Variants in TOMM20 observed in about 807,000 individuals in gnomAD.
TOMM20 encodes the protein mitochondrial import receptor subunit TOM20 homolog.
TOMM20 carries 10 observed loss-of-function variants against 22.1 expected under a neutral mutation model. The observed-to-expected ratio is 0.45, with a 90% CI of 0.28 to 0.77. TOMM20 has a LOEUF of 0.77. Ranked by LOEUF, TOMM20 falls within the 30% of genes least tolerant of loss-of-function variation. The pLI is 0.13. For synonymous variants in TOMM20, 55 were observed against 61.4 expected, an observed-to-expected ratio of 0.90 and a Z score of 0.49; for missense variants, 121 against 172.2, an observed-to-expected ratio of 0.70 and a Z score of 1.66.
intron 3 of TOMM20, among the ~76,000 whole-genome samples, chr1:235,119,103 C>T (rs547001557): frequency 6.6e-6 from 1 of 152,244 alleles, no homozygotes; most frequent in East Asian, 1.9e-4. Context: ...TATTTGATAG[C>T]AGTTTTAATA....
chr1:235,119,896 G>C lies in TOMM20; in HGVS notation c.172C>G (p.Pro58Ala), dbSNP rs1277231008. 1.2e-6 allele frequency: 2 copies of C among 1,606,642 alleles called. No homozygotes were observed. Among genetic ancestry groups the C allele is most frequent in the East Asian group, 2.2e-5 (1 of 44,736 alleles). The change falls in exon 3 of 5, where the codon CCT (proline) becomes GCT (alanine). Residue 58 changes from proline (P) to alanine (A), a missense_variant. Coordinates refer to ENST00000366607, the MANE Select transcript of TOMM20 (RefSeq NM_014765.3). ...AKERAGLSKL[P>A]DLKDAEAVQK... The stretch of plus-strand genomic sequence containing the variant: ...ACAGCTTCAGCATCTTTAAGGTCAG[G>C]TAACTGGAAATAAAATATTTAATAA...
intron 3 of TOMM20, among the ~76,000 whole-genome samples, chr1:235,115,772 C>T (rs1284289423): frequency 2.0e-5 from 3 of 152,218 alleles, no homozygotes; most frequent in African/African-American, 7.2e-5. Flanking sequence ...CAGTAAACAA[C>T]CTCAGAATAT....
At chr1:235,126,262 A>G (rs557123307) in intron 1 of TOMM20, among the ~76,000 whole-genome samples, 1 of 151,782 alleles carries the variant, frequency 6.6e-6, no homozygotes, top group East Asian at 2.0e-4. Flanking sequence ...CCTCCCAAGC[A>G]GCTGGGACTA....
intron 1 of TOMM20, among the ~76,000 whole-genome samples, chr1:235,128,157 G>A (rs1043172713): frequency 6.6e-6 from 1 of 152,200 alleles, no homozygotes. Context: ...CTGGGCGACA[G>A]AGCGAGATTC....
chr1:235,113,070 CACTGTTTTAATCACA>C (rs2102807149), intron 4 of TOMM20, among the ~76,000 whole-genome samples: 1 of 152,284 alleles, frequency 6.6e-6, no homozygotes, highest in African/African-American at 2.4e-5. Flanking sequence ...TATCATCATT[CACTGTTTTAATCACA>C]CCAACTTGGG....
Position 235,128,808 on chromosome 1 carries a change from C to A in TOMM20, c.-93G>T. 1.3e-6 allele frequency: 2 copies of A among 1,566,696 alleles called. No homozygotes were observed. The highest frequency in any genetic ancestry group is 1.4e-5 in the African/African-American group (1 of 73,502). Reference sequence around the variant, plus strand: ...TCAGAGCGGTCGGCGCAGCTCACACCCGACGGCCGCGGGCCAGGAACACAG... The same window carrying A: ...TCAGAGCGGTCGGCGCAGCTCACACACGACGGCCGCGGGCCAGGAACACAG... On this transcript the variant is annotated 5_prime_UTR_variant, in exon 1 of 5. Coordinates refer to ENST00000366607, the MANE Select transcript of TOMM20 (RefSeq NM_014765.3).
chr1:235,116,978 A>T (rs570051821), intron 3 of TOMM20, among the ~76,000 whole-genome samples: 15 of 151,142 alleles, frequency 9.9e-5, no homozygotes, highest in East Asian at 7.9e-4. Context: ...TACTAAAAAT[A>T]CAAAAAACTA....
chr1:235,124,352 A>G (rs547598980), intron 1 of TOMM20, among the ~76,000 whole-genome samples: 2 of 152,326 alleles, frequency 1.3e-5, no homozygotes, highest in South Asian at 2.1e-4. Context: ...GTCTCAAACA[A>G]AAACAAAAAA....
chr1:235,123,267 A>G (rs1450109485), intron 1 of TOMM20, among the ~76,000 whole-genome samples: 1 of 152,180 alleles, frequency 6.6e-6, no homozygotes, highest in African/African-American at 2.4e-5. Context: ...CAGGCAGATC[A>G]CAAGGTCAGG....
chr1:235,115,352 G>A (rs943702447), intron 3 of TOMM20, among the ~76,000 whole-genome samples: 8 of 152,066 alleles, frequency 5.3e-5, no homozygotes, highest in African/African-American at 9.6e-5. Flanking sequence ...TAATACGGCC[G>A]GGAGCAGTGG....
At chr1:235,125,322 C>G (rs1002261915) in intron 1 of TOMM20, among the ~76,000 whole-genome samples, 2 of 152,164 alleles carry the variant, frequency 1.3e-5, no homozygotes, top group Non-Finnish European at 2.9e-5. Flanking sequence ...TCACGCCATT[C>G]TCCTGCCTCA....
In TOMM20 at chr1:235,124,164, C is replaced by T. The variant is rs535254937; in HGVS notation, c.122-1792G>A. Among the ~76,000 whole-genome samples, 31 of 152,260 alleles carry T rather than the reference C, an allele frequency of 2.0e-4. No individual in the cohort carries two copies. In the South Asian group the frequency reaches 2.5e-3, roughly 12 times the overall value. On this transcript the variant is annotated intron_variant, in intron 1 of 4. Coordinates refer to ENST00000366607, the MANE Select transcript of TOMM20 (RefSeq NM_014765.3). Reference sequence around the variant, plus strand: ...GAGTTCAAGACCAGCCTGGTTGATACGGTGAAACCCCGTCTTTACTAAAAT... The same window carrying T: ...GAGTTCAAGACCAGCCTGGTTGATATGGTGAAACCCCGTCTTTACTAAAAT...
rs764813387 is a variant in TOMM20, at chr1:235,113,925, T to G, written c.251-15A>C. The G allele has an allele frequency of 2.6e-6, 4 of 1,554,664 alleles. No individual in the cohort carries two copies. Among genetic ancestry groups the G allele is most frequent in the Middle Eastern group, 1.7e-4 (1 of 5,864 alleles). ...CTCATATTCACCTGTAAGATTTACA[T>G]AAAATTACATGTAACCTGAAAAGCC... On this transcript the variant is annotated splice_polypyrimidine_tract_variant and intron_variant, in intron 3 of 4. Coordinates refer to ENST00000366607, the MANE Select transcript of TOMM20 (RefSeq NM_014765.3).
At chr1:235,116,820 T>C (rs2102809028) in intron 3 of TOMM20, among the ~76,000 whole-genome samples, 1 of 152,154 alleles carries the variant, frequency 6.6e-6, no homozygotes, top group Middle Eastern at 3.4e-3. Flanking sequence ...ACGATATAAA[T>C]TCACAGGAAA....
rs1431720394 is a variant in TOMM20 at position 235,110,961 on chromosome 1, T to A, written c.*1103A>T. The A allele has an allele frequency of 2.0e-5, 3 of 152,182 alleles. No homozygotes were observed. Among genetic ancestry groups the A allele is most frequent in the Non-Finnish European group, 4.4e-5 (3 of 68,028 alleles). 9.4% of individuals were successfully genotyped at this position (152,182 alleles called of 1,614,324 possible). ...AGTTTTCAGTCACAAGGTTGCAACT[T>A]ACTCTCATCGTTTCACAAGATAATC... is the stretch of plus-strand genomic sequence containing the variant. On this transcript the variant is annotated 3_prime_UTR_variant, in exon 5 of 5. Transcript: ENST00000366607.
chr1:235,113,616 G>A, intron 4 of TOMM20, 152 bp downstream of exon 4: 3 of 1,000,704 alleles, frequency 3.0e-6, no homozygotes, highest in Non-Finnish European at 4.2e-6. Context: ...TCCCACCAGA[G>A]AGGAAAATGT....
rs1376175858 is a variant in TOMM20, at chr1:235,128,681, A to G, written c.35T>C (p.Val12Ala). The change falls in exon 1 of 5, where the codon GTA (valine) becomes GCA (alanine). Residue 12 changes from valine (V) to alanine (A), a missense_variant. By Grantham distance (64) the Val-to-Ala change is moderately conservative. Coordinates refer to ENST00000366607, the MANE Select transcript of TOMM20 (RefSeq NM_014765.3). ...VGRNSAIAAG[V>A]CGALFIGYCI... ...GTACCCAATGAAAAGGGCCCCGCAT[A>G]CACCGGCGGCGATGGCGCTGTTCCG... 4 of 1,613,994 alleles carry G rather than the reference A, an allele frequency of 2.5e-6. No individual in the cohort carries two copies. The highest frequency in any genetic ancestry group is 3.4e-6 in the Non-Finnish European group (4 of 1,179,958).
chr1:235,118,634 C>T (rs767794479), intron 3 of TOMM20, among the ~76,000 whole-genome samples: 30 of 152,194 alleles, frequency 2.0e-4, no homozygotes, highest in Non-Finnish European at 4.1e-4. Flanking sequence ...TCAAGGTATC[C>T]TCCTACTTCA....
chr1:235,114,817 T>C (rs1275611222), intron 3 of TOMM20, among the ~76,000 whole-genome samples: 1 of 152,178 alleles, frequency 6.6e-6, no homozygotes, highest in Non-Finnish European at 1.5e-5. Flanking sequence ...CAAAGTTCAC[T>C]TAATTCAATA....
Sources: gnomAD v4.1 joint callset for allele counts (sites outside exome capture counted in the v4.1 genomes callset) on GRCh38, gnomAD v4.1.1 for gene constraint, MANE v1.5 for transcripts, NCBI Gene and HGNC (gene_info 2026-07-23, HGNC 2026-07-21) for gene names.